Variants in VWC2 observed in about 807,000 individuals in gnomAD.
The protein encoded by VWC2 is brorin.
In VWC2, 14 loss-of-function variants were observed where a neutral mutation model predicts 29.8. That is an observed-to-expected ratio of 0.47 (90% confidence interval 0.31 to 0.74). The LOEUF (loss-of-function observed/expected upper bound fraction) is 0.74. Among genes scored for constraint, VWC2 ranks in the 30% least tolerant of loss-of-function variants. The pLI, the probability that VWC2 is intolerant of heterozygous loss-of-function variation, is 0.05. For missense variants in VWC2, 457 were observed against 459.8 expected (o/e 0.99, Z 0.05); for synonymous variants, 213 against 199.0 (o/e 1.07, Z -0.59).
chr7:49,800,848 C>CAAAAA (rs1167626390), intron 2 of VWC2, among the ~76,000 whole-genome samples: 2 of 63,234 alleles, frequency 3.2e-5, no homozygotes, highest in African/African-American at 5.1e-5. Context: ...GTTATGGTAG[C>CAAAAA]AAAAAAAAAA....
intron 3 of VWC2, among the ~76,000 whole-genome samples, chr7:49,822,442 T>C (rs1789283808): frequency 1.3e-5 from 2 of 152,148 alleles, no homozygotes; most frequent in Admixed American, 1.3e-4. Context: ...TTGTTTTTTG[T>C]TTTTTGTTTG....
At chr7:49,879,578 C>T (rs909497792) in intron 3 of VWC2, among the ~76,000 whole-genome samples, 11 of 152,128 alleles carry the variant, frequency 7.2e-5, no homozygotes, top group South Asian at 6.2e-4. Flanking sequence ...AGTTCCAGAA[C>T]GCAGCACTTC....
chr7:49,789,312 T>G (rs1788408164), intron 2 of VWC2, among the ~76,000 whole-genome samples: 1 of 106,724 alleles, frequency 9.4e-6, no homozygotes, highest in Non-Finnish European at 1.9e-5. Context: ...TGTGTGAGTG[T>G]GGGTGTAGGT....
At chr7:49,852,270 G>T (rs1276122028) in intron 3 of VWC2, among the ~76,000 whole-genome samples, 1 of 152,198 alleles carries the variant, frequency 6.6e-6, no homozygotes, top group Non-Finnish European at 1.5e-5. Context: ...AGCATCAGGG[G>T]GTCATGGTGG....
In VWC2 at chr7:49,787,622, C is replaced by T. The variant is rs535058209; in HGVS notation, c.696+11491C>T. 6.6e-5 allele frequency among the ~76,000 whole-genome samples: 10 copies of T among 152,278 alleles called. No homozygotes were observed. The South Asian group carries it at 8.3e-4, about 13-fold the overall frequency. On this transcript the variant is annotated intron_variant, in intron 2 of 3. Coordinates refer to ENST00000340652, the MANE Select transcript of VWC2 (RefSeq NM_198570.5). ...TTTCTCACGTGGGGCAGAACTGCCC[C>T]GAGCGCCTCTACCTCCACTCGCTGT...
At chr7:49,886,504 G>A (rs908630990) in intron 3 of VWC2, among the ~76,000 whole-genome samples, 1 of 152,024 alleles carries the variant, frequency 6.6e-6, no homozygotes, top group Non-Finnish European at 1.5e-5. Context: ...GATTTAAAAT[G>A]TTATTTCTTC....
At chr7:49,864,743 G>C (rs954370405) in intron 3 of VWC2, among the ~76,000 whole-genome samples, 5 of 152,182 alleles carry the variant, frequency 3.3e-5, no homozygotes, top group Non-Finnish European at 7.3e-5. Context: ...TATGAATGCT[G>C]TCTGCTCCCT....
rs566496874 is a variant in VWC2, at chr7:49,833,754, G to A, written c.826+30914G>A. 1.4e-4 allele frequency among the ~76,000 whole-genome samples: 21 copies of A among 152,210 alleles called. No homozygotes were observed. In the South Asian group the frequency reaches 4.4e-3, roughly 32 times the overall value. On this transcript the variant is annotated intron_variant, in intron 3 of 3. Coordinates refer to ENST00000340652, the MANE Select transcript of VWC2 (RefSeq NM_198570.5). Reference sequence around the variant, plus strand: ...GGGAATCAACCCTGTCCAGTTGGAGGGTCAGTGGTCTCAGATGGCTTGAAC... The same window carrying A: ...GGGAATCAACCCTGTCCAGTTGGAGAGTCAGTGGTCTCAGATGGCTTGAAC...
chr7:49,866,183 GCTTAT>G, intron 3 of VWC2, among the ~76,000 whole-genome samples: 1 of 152,188 alleles, frequency 6.6e-6, no homozygotes, highest in African/African-American at 2.4e-5. Context: ...TTTCTCACTT[GCTTAT>G]CTTATCAGAC....
At chr7:49,892,940 T>C (rs1460830100) in intron 3 of VWC2, among the ~76,000 whole-genome samples, 2 of 87,446 alleles carry the variant, frequency 2.3e-5, no homozygotes, top group African/African-American at 8.2e-5. Flanking sequence ...GAAAAGATCT[T>C]CAATGAAGAA....
chr7:49,877,462 CA>C (rs1169480763), intron 3 of VWC2, among the ~76,000 whole-genome samples: 92 of 7,044 alleles, frequency 0.013, 2 homozygotes, highest in Non-Finnish European at 0.019. Flanking sequence ...AACTCTGTCT[CA>C]AAAAAAAAAA....
chr7:49,867,602 G>A (rs1170546155), intron 3 of VWC2, among the ~76,000 whole-genome samples: 1 of 152,186 alleles, frequency 6.6e-6, no homozygotes, highest in Admixed American at 6.5e-5. Context: ...GTGTGGTGCT[G>A]GAGGCACAGG....
At chr7:49,862,896 A>G (rs924682675) in intron 3 of VWC2, among the ~76,000 whole-genome samples, 2 of 152,016 alleles carry the variant, frequency 1.3e-5, no homozygotes, top group African/African-American at 4.8e-5. Flanking sequence ...GATGTTTTTT[A>G]TCTGTCTCAT....
intron 3 of VWC2, among the ~76,000 whole-genome samples, chr7:49,820,002 C>T (rs1212660216): frequency 6.6e-6 from 1 of 152,128 alleles, no homozygotes; most frequent in Non-Finnish European, 1.5e-5. Flanking sequence ...ATTTTGGTCT[C>T]TCACAATATA....
chr7:49,883,580 T>C (rs543051052), intron 3 of VWC2, among the ~76,000 whole-genome samples: 1 of 152,302 alleles, frequency 6.6e-6, no homozygotes, highest in South Asian at 2.1e-4. Context: ...ATAGGATTGA[T>C]GAGGACATTA....
Position 49,878,244 on chromosome 7 carries a change from T to A in VWC2, c.827-33790T>A, listed in dbSNP as rs149947508. On this transcript the variant is annotated intron_variant, in intron 3 of 3. Transcript: ENST00000340652. ...TCCTTGTATTTTAAACACAGCACAC[T>A]GCAATATGTTAATATTGTGGTTTTC... Among the ~76,000 whole-genome samples the A allele has an allele frequency of 7.4e-4, 113 of 152,290 alleles. 1 individual carries two copies. Among genetic ancestry groups the A allele is most frequent in the Non-Finnish European group, 1.5e-3 (102 of 68,014 alleles).
intron 3 of VWC2, among the ~76,000 whole-genome samples, chr7:49,907,809 A>G (rs529422970): frequency 6.6e-6 from 1 of 152,212 alleles, no homozygotes; most frequent in Admixed American, 6.5e-5. Context: ...AAGAGCTATC[A>G]TATAAAGACC....
intron 3 of VWC2, among the ~76,000 whole-genome samples, chr7:49,860,046 T>A (rs1269234809): frequency 6.6e-6 from 1 of 152,162 alleles, no homozygotes; most frequent in Non-Finnish European, 1.5e-5. Context: ...GTTTCATAAT[T>A]TTATCCATAG....
chr7:49,797,077 T>C (rs1167424257), intron 2 of VWC2, among the ~76,000 whole-genome samples: 1 of 152,222 alleles, frequency 6.6e-6, no homozygotes, highest in Admixed American at 6.5e-5. Flanking sequence ...GATATAAACA[T>C]GTCTATAAGT....
Sources: gnomAD v4.1 joint callset for allele counts (sites outside exome capture counted in the v4.1 genomes callset) on GRCh38, gnomAD v4.1.1 for gene constraint, MANE v1.5 for transcripts, NCBI Gene and HGNC (gene_info 2026-07-23, HGNC 2026-07-21) for gene names.